Variants in MACROD2 observed in about 807,000 individuals in gnomAD.
The protein encoded by MACROD2 is mono-ADP ribosylhydrolase 2.
Under a neutral mutation model 70.4 loss-of-function variants are expected in MACROD2, and 36 were observed. That is an observed-to-expected ratio of 0.51 (90% CI 0.39 to 0.68). The LOEUF is 0.68. Ranked by LOEUF, MACROD2 falls within the 30% of genes least tolerant of loss-of-function variation. The pLI is 0.00. For synonymous variants in MACROD2, 172 were observed against 178.8 expected (o/e 0.96, Z 0.30); for missense variants, 496 against 538.4 (o/e 0.92, Z 0.78).
chr20:15,369,189 ATATT>A (rs1415328031), intron 6 of MACROD2, among the ~76,000 whole-genome samples: 2 of 152,208 alleles, frequency 1.3e-5, no homozygotes, highest in African/African-American at 2.4e-5. Context: ...TTTGGACTAA[ATATT>A]TATTATCTTA....
chr20:15,308,106 A>T (rs1323230488), intron 6 of MACROD2, among the ~76,000 whole-genome samples: 1 of 152,150 alleles, frequency 6.6e-6, no homozygotes, highest in Non-Finnish European at 1.5e-5. Flanking sequence ...CATGATATGG[A>T]TGGTATCTGC....
At chr20:14,894,175 T>A (rs547104915) in intron 5 of MACROD2, 2 of 152,122 alleles carry the variant, frequency 1.3e-5, no homozygotes, top group South Asian at 4.1e-4. Flanking sequence ...ATAATACTGA[T>A]AGAATCAAAC....
At chr20:14,497,617 G>A (rs2084868951) in intron 4 of MACROD2, among the ~76,000 whole-genome samples, 1 of 151,542 alleles carries the variant, frequency 6.6e-6, no homozygotes, top group Admixed American at 6.6e-5. Flanking sequence ...GTTGTTTATG[G>A]GATGTGCTTC....
chr20:14,460,555 T>C (rs1419547896), intron 3 of MACROD2, among the ~76,000 whole-genome samples: 1 of 152,116 alleles, frequency 6.6e-6, no homozygotes, highest in African/African-American at 2.4e-5. Flanking sequence ...ATATTGGCTG[T>C]GGGTTTGTCA....
intron 2 of MACROD2, among the ~76,000 whole-genome samples, chr20:14,040,352 A>G (rs189589617): frequency 3.9e-5 from 6 of 152,328 alleles, no homozygotes; most frequent in African/African-American, 1.4e-4. Context: ...GAAAAAGTAC[A>G]GTAAAAATAG....
At chr20:15,577,462 CATTA>C (rs1409164205) in intron 8 of MACROD2, among the ~76,000 whole-genome samples, 1 of 152,140 alleles carries the variant, frequency 6.6e-6, no homozygotes, top group Non-Finnish European at 1.5e-5. Flanking sequence ...AGCTAAAAAA[CATTA>C]ATAACTCCTG....
chr20:14,844,796 CAGA>C (rs1370658901), intron 5 of MACROD2, among the ~76,000 whole-genome samples: 3 of 152,084 alleles, frequency 2.0e-5, no homozygotes, highest in South Asian at 2.1e-4. Flanking sequence ...GGAATTTTAA[CAGA>C]AGAAGAAGAG....
chr20:15,839,475 C>G (rs2064148650), intron 8 of MACROD2, among the ~76,000 whole-genome samples: 1 of 152,138 alleles, frequency 6.6e-6, no homozygotes, highest in African/African-American at 2.4e-5. Flanking sequence ...AGACCTTGTG[C>G]ATTTTCACTT....
chr20:15,364,406 T>C (rs2045375509), intron 6 of MACROD2, among the ~76,000 whole-genome samples: 1 of 152,242 alleles, frequency 6.6e-6, no homozygotes, highest in South Asian at 2.1e-4. Context: ...ACCTGTGCTT[T>C]GGCTTTTTGT....
chr20:14,760,015 T>G (rs2071993306), intron 5 of MACROD2, among the ~76,000 whole-genome samples: 1 of 152,068 alleles, frequency 6.6e-6, no homozygotes, highest in African/African-American at 2.4e-5. Flanking sequence ...CAGAGGCATC[T>G]GAGTAAGGGA....
chr20:15,201,014 G>A (rs955047020), intron 5 of MACROD2, among the ~76,000 whole-genome samples: 5 of 152,112 alleles, frequency 3.3e-5, no homozygotes, highest in African/African-American at 9.7e-5. Flanking sequence ...GCAGGTTTAG[G>A]GTGGGGCCCC....
At chr20:15,223,641 C>G (rs1347859299) in intron 5 of MACROD2, among the ~76,000 whole-genome samples, 1 of 152,180 alleles carries the variant, frequency 6.6e-6, no homozygotes, top group East Asian at 1.9e-4. Flanking sequence ...GAACTCCATA[C>G]TGGTAAAGTT....
At chr20:15,290,436 C>A (rs768539198) in intron 6 of MACROD2, among the ~76,000 whole-genome samples, 8 of 152,106 alleles carry the variant, frequency 5.3e-5, no homozygotes, top group Non-Finnish European at 1.2e-4. Context: ...ACACTGCAGA[C>A]TTGGGCGACA....
chr20:14,630,336 T>G (rs1984439735), intron 4 of MACROD2, among the ~76,000 whole-genome samples: 1 of 152,206 alleles, frequency 6.6e-6, no homozygotes. Flanking sequence ...TTCTATAACT[T>G]AGGCTGTAAG....
intron 3 of MACROD2, among the ~76,000 whole-genome samples, chr20:14,275,502 A>G (rs1000873918): frequency 1.3e-5 from 2 of 151,712 alleles, no homozygotes; most frequent in Non-Finnish European, 2.9e-5. Context: ...AAAGACTTAA[A>G]CGTTAGACCT....
At chr20:14,778,021 A>T (rs566673220) in intron 5 of MACROD2, among the ~76,000 whole-genome samples, 21 of 152,096 alleles carry the variant, frequency 1.4e-4, no homozygotes, top group Admixed American at 1.4e-3. Context: ...GACACGCTGC[A>T]TTCCCATTTT....
Position 14,359,592 on chromosome 20 carries a change from G to C in MACROD2, c.272-133887G>C, listed in dbSNP as rs183978714. Among the ~76,000 whole-genome samples, 54 of 152,334 alleles carry C rather than the reference G, an allele frequency of 3.5e-4. No homozygotes were observed. The East Asian group carries it at 6.2e-3, about 17-fold the overall frequency. ...ATCAATGGATAAATGGATAGCAAAG[G>C]CTGGGCATAGTGGCTCACAGCTGTA... On this transcript the variant is annotated intron_variant, in intron 3 of 17. Transcript: ENST00000684519.
chr20:14,475,964 T>C (rs2084589414), intron 3 of MACROD2, among the ~76,000 whole-genome samples: 2 of 152,094 alleles, frequency 1.3e-5, no homozygotes, highest in Admixed American at 1.3e-4. Flanking sequence ...AGTTTTAAAT[T>C]TGAGGATCAA....
At chr20:14,262,508 G>T (rs2082109027) in intron 3 of MACROD2, among the ~76,000 whole-genome samples, 1 of 152,200 alleles carries the variant, frequency 6.6e-6, no homozygotes, top group African/African-American at 2.4e-5. Context: ...TCGGCAGAGG[G>T]CTCTCTTAGT....
Sources: gnomAD v4.1 joint callset for allele counts (sites outside exome capture counted in the v4.1 genomes callset) on GRCh38, gnomAD v4.1.1 for gene constraint, MANE v1.5 for transcripts, NCBI Gene and HGNC (gene_info 2026-07-23, HGNC 2026-07-21) for gene names.